Variants in KRIT1 observed in about 807,000 individuals in gnomAD.
KRIT1 encodes the protein KRIT1 ankyrin repeat containing.
Under a neutral mutation model 95.8 loss-of-function variants are expected in KRIT1, and 45 were observed. The ratio of observed to expected loss-of-function variants is 0.47; its 90% CI spans 0.37 to 0.60. The LOEUF (loss-of-function observed/expected upper bound fraction) is 0.60. Ranked by LOEUF, KRIT1 falls within the 20% of genes least tolerant of loss-of-function variation. The probability of loss-of-function intolerance (pLI) is 0.00; values close to 1 mark genes in which losing one functional copy is unlikely to be tolerated. For missense variants in KRIT1, 788 were observed against 877.5 expected, an observed-to-expected ratio of 0.90 and a Z score of 1.29; for synonymous variants, 282 against 278.8, an observed-to-expected ratio of 1.01 and a Z score of -0.11.
At chr7:92,208,275 C>T (rs945504450) in intron 17 of KRIT1, among the ~76,000 whole-genome samples, 3 of 151,504 alleles carry the variant, frequency 2.0e-5, no homozygotes, top group South Asian at 4.2e-4. Flanking sequence ...AAACACTTAA[C>T]GATGCACCTC....
intron 14 of KRIT1, among the ~76,000 whole-genome samples, chr7:92,217,155 GCTC>G (rs1294761336): frequency 3.9e-5 from 6 of 152,104 alleles, no homozygotes; most frequent in African/African-American, 1.4e-4. Flanking sequence ...TATCATTACT[GCTC>G]CTCTTCTCTA....
chr7:92,201,545 AATT>A (rs1422688471), intron 17 of KRIT1, 122 bp from the exon 18 acceptor site: 2 of 701,012 alleles, frequency 2.9e-6, no homozygotes, highest in East Asian at 5.2e-5. Context: ...TTTTTCTAAA[AATT>A]ATTATACTTT....
At chr7:92,210,276 T>A (rs1285718606) in intron 17 of KRIT1, among the ~76,000 whole-genome samples, 2 of 152,064 alleles carry the variant, frequency 1.3e-5, no homozygotes, top group Non-Finnish European at 2.9e-5. Flanking sequence ...CATCACACTA[T>A]CTAATTTCAA....
chr7:92,215,251 A>T (rs1793711915), intron 14 of KRIT1, among the ~76,000 whole-genome samples: 1 of 152,182 alleles, frequency 6.6e-6, no homozygotes, highest in Non-Finnish European at 1.5e-5. Flanking sequence ...AAATATGGAT[A>T]ATTTTTAGCA....
In KRIT1 at chr7:92,235,597, G is replaced by T; in HGVS notation, c.535C>A (p.Arg179=). The T allele has an allele frequency of 6.2e-7, 1 of 1,613,552 alleles. No individual in the cohort carries two copies. Among genetic ancestry groups the T allele is most frequent in the Non-Finnish European group, 8.5e-7 (1 of 1,179,696 alleles). The part of the protein sequence containing the change: ...AQSHFIPALF[R]PSPLERIKTN... ...TTTATCCGCTCAAGAGGAGAAGGTC[G>T]GAATAAAGCTGGAATAAAGTGAGAT... The change falls in exon 8 of 19, where the codon CGA becomes AGA. Residue 179 remains arginine, a synonymous_variant. Transcript: ENST00000394505.
In KRIT1 at chr7:92,200,311, T is replaced by C. The variant is rs1057058873; in HGVS notation, c.*425A>G. On this transcript the variant is annotated 3_prime_UTR_variant, in exon 19 of 19. Transcript: ENST00000394505. ...TAAGTACAGATTCTGTACAATGTAA[T>C]AGTATACATATATATTACAAGAGAC... The C allele has an allele frequency of 4.5e-6, 1 of 221,780 alleles. No homozygotes were observed. The highest frequency in any genetic ancestry group is 7.3e-5 in the South Asian group (1 of 13,648). The allele number at this position is 221,780 out of a possible 1,614,324, so 13.7% of individuals were successfully genotyped here.
At position 92,236,526 on chromosome 7, in the gene KRIT1, T is replaced by C; in HGVS notation, c.372A>G (p.Thr124=). Residue 124 remains threonine (T), a synonymous_variant, in exon 7 of 19, where the codon ACA becomes ACG. Coordinates refer to ENST00000394505, the MANE Select transcript of KRIT1 (RefSeq NM_194454.3). The part of the protein sequence containing the change: ...PSVVKDNTKY[T]YTPGCPIFYC... ...AAAAAATTGGGCATCCTGGGGTATA[T>C]GTGTATTTAGTATTATCTGAAAAAG... 3 of 1,547,714 alleles carry C rather than the reference T, an allele frequency of 1.9e-6. No homozygotes were observed. The highest frequency in any genetic ancestry group is 1.8e-6 in the Non-Finnish European group (2 of 1,120,178).
At chr7:92,223,092 T>A (rs919929536) in intron 12 of KRIT1, 114 bp from the exon 13 acceptor site, 25 of 726,908 alleles carry the variant, frequency 3.4e-5, no homozygotes, top group Admixed American at 1.1e-4. Flanking sequence ...ATGAAAAATA[T>A]CAGAAACACT....
At chr7:92,221,628 AT>A (rs545833682) in intron 14 of KRIT1, among the ~76,000 whole-genome samples, 4 of 152,010 alleles carry the variant, frequency 2.6e-5, no homozygotes, top group African/African-American at 2.4e-5. Context: ...AGTCTAAACA[AT>A]TTTTTTTCCT....
Position 92,226,688 on chromosome 7 carries a change from T to TA in KRIT1, c.990-7dup. ...TGGCCTCAACTTTTCCATACCTGTA[T>TA]AAAAAAACAAACAAACAAAAAACAA... On this transcript the variant is annotated splice_region_variant and splice_polypyrimidine_tract_variant and intron_variant, in intron 10 of 18. Coordinates refer to ENST00000394505, the MANE Select transcript of KRIT1 (RefSeq NM_194454.3). 2 of 1,612,032 alleles carry TA rather than the reference T, an allele frequency of 1.2e-6. No homozygotes were observed. The highest frequency in any genetic ancestry group is 2.2e-5 in the East Asian group (1 of 44,778).
intron 6 of KRIT1, 81 bp downstream of exon 6, chr7:92,237,586 T>C: frequency 1.4e-6 from 1 of 718,736 alleles, no homozygotes; most frequent in Non-Finnish European, 2.5e-6. Flanking sequence ...TAACTATGAA[T>C]GCAAATTCTT....
chr7:92,235,041 C>G (rs1369859451), intron 8 of KRIT1, 118 bp from the exon 9 acceptor site: 2 of 681,192 alleles, frequency 2.9e-6, no homozygotes, highest in Non-Finnish European at 5.2e-6. Context: ...GCTCTGTTGC[C>G]CAGGCTGGAG....
chr7:92,243,539 G>A (rs866000643), intron 3 of KRIT1, among the ~76,000 whole-genome samples: 2 of 141,612 alleles, frequency 1.4e-5, no homozygotes, highest in African/African-American at 5.4e-5. Flanking sequence ...AAAGGGTTTT[G>A]AATGTTATTT....
intron 5 of KRIT1, chr7:92,240,750 T>C: frequency 1.9e-6 from 1 of 518,194 alleles, no homozygotes; most frequent in Non-Finnish European, 3.4e-6. Flanking sequence ...GATACTTACC[T>C]AGGGAACTAC....
chr7:92,216,538 A>G (rs542567954), intron 14 of KRIT1, among the ~76,000 whole-genome samples: 1 of 152,184 alleles, frequency 6.6e-6, no homozygotes, highest in Non-Finnish European at 1.5e-5. Flanking sequence ...TAATTATGGA[A>G]TTATTAATTT....
At chr7:92,223,868 C>T (rs1304769734) in intron 12 of KRIT1, among the ~76,000 whole-genome samples, 3 of 152,138 alleles carry the variant, frequency 2.0e-5, no homozygotes, top group Non-Finnish European at 4.4e-5. Flanking sequence ...CTGATGTCCC[C>T]AAATAACTTC....
At chr7:92,213,043 A>C in intron 17 of KRIT1, 152 bp downstream of exon 17, 1 of 613,126 alleles carries the variant, frequency 1.6e-6, no homozygotes, top group Non-Finnish European at 2.9e-6. Context: ...CGCCTTACTG[A>C]CAGTGATTTA....
chr7:92,208,456 T>TA (rs1160124201), intron 17 of KRIT1, among the ~76,000 whole-genome samples: 2 of 148,886 alleles, frequency 1.3e-5, no homozygotes, highest in African/African-American at 4.9e-5. Context: ...ATAAAATGAG[T>TA]AAACTGTTAG....
intron 7 of KRIT1, chr7:92,236,131 C>T (rs181944811): frequency 6.3e-6 from 2 of 316,412 alleles, no homozygotes; most frequent in South Asian, 3.7e-5. Context: ...ATAAGAGTAA[C>T]TCAATATTAA....
Sources: allele counts gnomAD v4.1 joint callset (sites outside exome capture counted in the v4.1 genomes callset), GRCh38; gene constraint gnomAD v4.1.1; transcripts MANE v1.5; gene names NCBI Gene and HGNC (gene_info 2026-07-23, HGNC 2026-07-21).